Variants in TNR observed in about 807,000 individuals in gnomAD.
TNR encodes the protein tenascin-R.
In TNR, 45 loss-of-function variants were observed where a neutral mutation model predicts 150.4. The observed-to-expected ratio is 0.30, with a 90% CI of 0.24 to 0.38. The LOEUF is 0.38. Ranked by LOEUF, TNR falls within the 10% of genes least tolerant of loss-of-function variation. The pLI, the probability that TNR is intolerant of heterozygous loss-of-function variation, is 1.00. For synonymous variants in TNR, 687 were observed against 678.4 expected, an observed-to-expected ratio of 1.01 and a Z score of -0.20; for missense variants, 1,544 against 1,759.1, an observed-to-expected ratio of 0.88 and a Z score of 2.19.
chr1:175,505,516 C>G (rs1449965588), intron 2 of TNR, among the ~76,000 whole-genome samples: 1 of 152,212 alleles, frequency 6.6e-6, no homozygotes, highest in African/African-American at 2.4e-5. Flanking sequence ...GTCAGAGTAG[C>G]GCCTGGGCTG....
intron 1 of TNR, among the ~76,000 whole-genome samples, chr1:175,647,255 A>G (rs189640024): frequency 6.6e-6 from 1 of 152,298 alleles, no homozygotes; most frequent in East Asian, 1.9e-4. Context: ...TTTCTAACCC[A>G]TGAACAAGCA....
chr1:175,502,017 T>C (rs1446018683), intron 2 of TNR, among the ~76,000 whole-genome samples: 1 of 152,042 alleles, frequency 6.6e-6, no homozygotes, highest in Non-Finnish European at 1.5e-5. Context: ...GCAGTCGGGG[T>C]GGGGGCTTCT....
At chr1:175,536,733 G>A (rs566302977) in intron 1 of TNR, among the ~76,000 whole-genome samples, 1 of 152,324 alleles carries the variant, frequency 6.6e-6, no homozygotes, top group East Asian at 1.9e-4. Flanking sequence ...AGCAGAGTCT[G>A]GGCTGAGGTT....
chr1:175,556,749 C>A (rs1450225260), intron 1 of TNR: 1 of 152,466 alleles, frequency 6.6e-6, no homozygotes, highest in Non-Finnish European at 1.5e-5. Context: ...GGCACTAATA[C>A]TCCGGTGTCC....
intron 17 of TNR, among the ~76,000 whole-genome samples, chr1:175,354,951 A>G (rs1651248051): frequency 6.6e-6 from 1 of 152,226 alleles, no homozygotes; most frequent in South Asian, 2.1e-4. Flanking sequence ...CAAAAACTTG[A>G]AAATCAGTGT....
At chr1:175,515,620 G>A (rs1334235314) in intron 2 of TNR, among the ~76,000 whole-genome samples, 1 of 152,188 alleles carries the variant, frequency 6.6e-6, no homozygotes, top group Non-Finnish European at 1.5e-5. Flanking sequence ...GGAAAGACAA[G>A]CCTGGTCCTG....
chr1:175,716,583 G>A (rs1244523162), intron 1 of TNR, among the ~76,000 whole-genome samples: 2 of 152,076 alleles, frequency 1.3e-5, no homozygotes, highest in African/African-American at 4.8e-5. Context: ...GATTGTGATG[G>A]CCCCATTGTG....
At position 175,372,506 on chromosome 1, in the gene TNR, A is replaced by G. The variant is rs539499830; in HGVS notation, c.1964-5209T>C. Among the ~76,000 whole-genome samples the G allele has an allele frequency of 2.2e-4, 33 of 152,380 alleles. No homozygotes were observed. In the East Asian group the frequency reaches 6.4e-3, roughly 29 times the overall value. On this transcript the variant is annotated intron_variant, in intron 9 of 22. Coordinates refer to ENST00000367674, the MANE Select transcript of TNR (RefSeq NM_003285.3). The stretch of plus-strand genomic sequence containing the variant: ...AATATGGAATTCTCTAGTGGCCAGA[A>G]TGGGGCATAATGAGCATTCATAGAT...
chr1:175,532,725 T>C (rs1660120449), intron 1 of TNR, among the ~76,000 whole-genome samples: 1 of 152,202 alleles, frequency 6.6e-6, no homozygotes, highest in African/African-American at 2.4e-5. Context: ...GGTTGCAGTC[T>C]TCAACCTGGT....
chr1:175,503,768 A>G (rs1658837957), intron 2 of TNR, among the ~76,000 whole-genome samples: 2 of 152,194 alleles, frequency 1.3e-5, no homozygotes, highest in South Asian at 4.1e-4. Flanking sequence ...AGGGGAATGA[A>G]ACTCCTGTAA....
intron 1 of TNR, among the ~76,000 whole-genome samples, chr1:175,728,335 G>A (rs1667537138): frequency 6.6e-6 from 1 of 152,222 alleles, no homozygotes; most frequent in African/African-American, 2.4e-5. Context: ...TTTGGAGAAG[G>A]TACAATTAAT....
chr1:175,364,794 T>C (rs1651757358), intron 12 of TNR, among the ~76,000 whole-genome samples: 1 of 152,216 alleles, frequency 6.6e-6, no homozygotes, highest in South Asian at 2.1e-4. Flanking sequence ...CCTCAAGACA[T>C]TGACTTTGTC....
chr1:175,425,412 C>G (rs955207031), intron 2 of TNR, among the ~76,000 whole-genome samples: 14 of 152,174 alleles, frequency 9.2e-5, no homozygotes, highest in African/African-American at 3.4e-4. Context: ...AACATAAGGC[C>G]TAGCACAAAA....
chr1:175,426,263 C>T (rs906090507), intron 2 of TNR, among the ~76,000 whole-genome samples: 3 of 152,114 alleles, frequency 2.0e-5, no homozygotes, highest in Non-Finnish European at 4.4e-5. Context: ...ATAATATTAG[C>T]AACATGAGGC....
chr1:175,396,143 C>A (rs533465541), intron 5 of TNR, among the ~76,000 whole-genome samples: 2 of 152,292 alleles, frequency 1.3e-5, no homozygotes, highest in Non-Finnish European at 2.9e-5. Context: ...CACTTATGGT[C>A]GAGAACACAC....
intron 1 of TNR, among the ~76,000 whole-genome samples, chr1:175,673,410 C>G (rs1327788127): frequency 6.6e-6 from 1 of 152,160 alleles, no homozygotes; most frequent in Non-Finnish European, 1.5e-5. Flanking sequence ...GACAAGATGA[C>G]TCTGATAGAG....
At chr1:175,497,391 G>C (rs915661552) in intron 2 of TNR, among the ~76,000 whole-genome samples, 1 of 152,196 alleles carries the variant, frequency 6.6e-6, no homozygotes, top group African/African-American at 2.4e-5. Flanking sequence ...GAATTAACTA[G>C]TTCAAATAAT....
intron 2 of TNR, among the ~76,000 whole-genome samples, chr1:175,513,509 G>T (rs1436419046): frequency 6.6e-6 from 1 of 152,156 alleles, no homozygotes; most frequent in African/African-American, 2.4e-5. Context: ...GGGGCTGCAG[G>T]GGAGGGACCC....
intron 1 of TNR, among the ~76,000 whole-genome samples, chr1:175,697,885 T>C (rs1361176416): frequency 6.6e-6 from 1 of 152,134 alleles, no homozygotes; most frequent in Non-Finnish European, 1.5e-5. Flanking sequence ...AGATATAAGG[T>C]GACTAAGGCT....
Sources: allele counts gnomAD v4.1 joint callset (sites outside exome capture counted in the v4.1 genomes callset), GRCh38; gene constraint gnomAD v4.1.1; transcripts MANE v1.5; gene names NCBI Gene and HGNC (gene_info 2026-07-23, HGNC 2026-07-21).